The following CHD1 variants were observed in gnomAD, a reference collection of about 807,000 sequenced individuals.
CHD1 encodes the protein chromodomain helicase DNA binding protein 1.
In CHD1, 36 loss-of-function variants were observed where a neutral mutation model predicts 224.2. The ratio of observed to expected loss-of-function variants is 0.16; its 90% confidence interval spans 0.12 to 0.21. The LOEUF (loss-of-function observed/expected upper bound fraction) is 0.21. CHD1 is among the 10% of genes least tolerant of loss of function. The pLI is 1.00. For synonymous variants in CHD1, 668 were observed against 658.3 expected (o/e 1.01, Z -0.23); for missense variants, 1,378 against 1,994.8 (o/e 0.69, Z 5.89).
At chr5:98,867,057 T>C (rs1748928531) in intron 31 of CHD1, among the ~76,000 whole-genome samples, 1 of 152,180 alleles carries the variant, frequency 6.6e-6, no homozygotes, top group Non-Finnish European at 1.5e-5. Context: ...ACTTACCAAA[T>C]AGCATTCTGC....
intron 2 of CHD1, among the ~76,000 whole-genome samples, chr5:98,917,744 A>G (rs1317258206): frequency 6.6e-6 from 1 of 152,232 alleles, no homozygotes; most frequent in Non-Finnish European, 1.5e-5. Context: ...TTGTCTCTAC[A>G]TATTTTAATC....
chr5:98,868,326 AAAAAG>A (rs1749057922), intron 31 of CHD1, among the ~76,000 whole-genome samples, 164 bp downstream of exon 31: 1 of 150,374 alleles, frequency 6.7e-6, no homozygotes, highest in Non-Finnish European at 1.5e-5. Context: ...TGCTAACTCA[AAAAAG>A]AAAAAAAAAA....
rs200039317 is a variant in CHD1, at chr5:98,899,646, A to G, written c.919T>C (p.Phe307Leu). ...TCTCCTGGTTCTTTGTTTTTTTCAA[A>G]GCCTGCATTTGGGTCACCATCTGCT... is the stretch of plus-strand genomic sequence containing the variant. ...VEADGDPNAG[F>L]EKNKEPGEIQ... Residue 307 changes from phenylalanine to leucine, a missense_variant, in exon 8 of 36, where the codon TTT becomes CTT. By Grantham distance (22) the Phe-to-Leu change is conservative. Transcript: ENST00000614616. 1 of 1,613,848 alleles carries G rather than the reference A, an allele frequency of 6.2e-7. No homozygotes were observed. Among genetic ancestry groups the G allele is most frequent in the Admixed American group, 1.7e-5 (1 of 59,998 alleles).
chr5:98,889,865 C>A (rs1402847488), intron 15 of CHD1: 1 of 151,854 alleles, frequency 6.6e-6, no homozygotes, highest in African/African-American at 2.4e-5. Flanking sequence ...TACACAGCCA[C>A]AGAAAAAAAA....
In CHD1 at chr5:98,858,231, AAAG is replaced by A. The variant is rs772633798; in HGVS notation, c.4733_4735del (p.Ser1578del). 5.0e-6 allele frequency: 8 copies of A among 1,613,248 alleles called. No individual in the cohort carries two copies. Among genetic ancestry groups the A allele is most frequent in the South Asian group, 1.1e-5 (1 of 91,060 alleles). On this transcript the variant is annotated inframe_deletion, in exon 35 of 36. Coordinates refer to ENST00000614616, the MANE Select transcript of CHD1 (RefSeq NM_001270.4). ...ATCACGATGGTCTTTACCATTACTA[AAAG>A]AAGAATAGGGTCTTTTCCTGGAATC...
chr5:98,873,095 T>G (rs1749480443), intron 26 of CHD1, among the ~76,000 whole-genome samples: 2 of 152,200 alleles, frequency 1.3e-5, no homozygotes, highest in African/African-American at 4.8e-5. Flanking sequence ...CCAAAAGTGC[T>G]AGGATTACAG....
intron 20 of CHD1, 131 bp downstream of exon 20, chr5:98,881,844 T>C (rs1367470886): frequency 1.3e-6 from 1 of 750,082 alleles, no homozygotes; most frequent in Non-Finnish European, 2.1e-6. Flanking sequence ...TAGAAATTAG[T>C]CCAAAGTCTT....
In CHD1 at chr5:98,893,581, G is replaced by T. The variant is rs1358961137; in HGVS notation, c.1826C>A (p.Ala609Glu). 1 of 1,602,314 alleles carries T rather than the reference G, an allele frequency of 6.2e-7. No individual in the cohort carries two copies. The highest frequency in any genetic ancestry group is 8.5e-7 in the Non-Finnish European group (1 of 1,174,620). The change falls in exon 14 of 36, where the codon GCA becomes GAA. Residue 609 changes from alanine (A) to glutamate (E), a missense_variant. Coordinates refer to ENST00000614616, the MANE Select transcript of CHD1 (RefSeq NM_001270.4). ...GTGTGCTTCATCAACACCTATAAAT[G>T]CCCAATTTAGACCTCCAAGGAATGC... is the stretch of plus-strand genomic sequence containing the variant. ...DKAFLGGLNW[A>E]FIGVDEAHRL...
chr5:98,903,754 G>A (rs778782176), intron 4 of CHD1, 38 bp downstream of exon 4: 2 of 1,340,180 alleles, frequency 1.5e-6, no homozygotes, highest in South Asian at 1.2e-5. Context: ...TCAGCAGCAT[G>A]TCCACTTTTA....
At chr5:98,876,288 T>C (rs893240968) in intron 24 of CHD1, 110 bp downstream of exon 24, 9 of 1,081,304 alleles carry the variant, frequency 8.3e-6, no homozygotes, top group African/African-American at 7.9e-5. Flanking sequence ...AAATAACAGA[T>C]TTGCCTCTTC....
intron 15 of CHD1, among the ~76,000 whole-genome samples, chr5:98,892,179 A>G (rs1751063053): frequency 6.6e-6 from 1 of 152,154 alleles, no homozygotes; most frequent in Non-Finnish European, 1.5e-5. Flanking sequence ...ATTTTTTTCT[A>G]AGTTTCTTTT....
chr5:98,885,626 T>C lies in CHD1; in HGVS notation c.2520A>G (p.Gly840=), dbSNP rs1750598085. The C allele has an allele frequency of 6.2e-7, 1 of 1,600,104 alleles. No homozygotes were observed. Residue 840 remains glycine, a synonymous_variant, in exon 18 of 36, where the codon GGA becomes GGG. Transcript: ENST00000614616. ...GATCTAGAGCTTGTTTCCTCAGTTC[T>C]CCTTTTATTGATCCATCTAATCTCT... ...PFQRLDGSIK[G]ELRKQALDHF... is the part of the protein sequence containing the mutation.
rs969268314 is a variant in CHD1 at position 98,908,917 on chromosome 5, T to A, written c.54-3819A>T. Among the ~76,000 whole-genome samples the A allele has an allele frequency of 2.6e-5, 4 of 152,102 alleles. No individual in the cohort carries two copies. In the East Asian group the frequency reaches 7.7e-4, roughly 29 times the overall value. The stretch of plus-strand genomic sequence containing the variant: ...TTTCTTAGGGTAAATTAAGGAGAAA[T>A]ACCACATTTAAAAGATAAAATAGTA... On this transcript the variant is annotated intron_variant, in intron 2 of 35. Coordinates refer to ENST00000614616, the MANE Select transcript of CHD1 (RefSeq NM_001270.4).
rs143771388 is a variant in CHD1 at position 98,899,309 on chromosome 5, G to T, written c.1085+171C>A. On this transcript the variant is annotated intron_variant, in intron 8 of 35. Coordinates refer to ENST00000614616, the MANE Select transcript of CHD1 (RefSeq NM_001270.4). Reference sequence around the variant, plus strand: ...TTCCCTCCGAATACTTTCAATCCATGGTTGGTTGAAACCAAGGATAGAGAA... The same window carrying T: ...TTCCCTCCGAATACTTTCAATCCATTGTTGGTTGAAACCAAGGATAGAGAA... Among the ~76,000 whole-genome samples, 1,399 of 152,128 alleles carry T rather than the reference G, an allele frequency of 9.2e-3. 16 individuals carry two copies. The highest frequency in any genetic ancestry group is 0.026 in the South Asian group (124 of 4,820).
At position 98,899,502 on chromosome 5, in the gene CHD1, T is replaced by G. The variant is rs1481018228; in HGVS notation, c.1063A>C (p.Lys355Gln). Reference protein sequence around the residue: ...GMKKLDNYKKKDQETKRWLKN... With the variant: ...GMKKLDNYKKQDQETKRWLKN... Reference sequence around the variant, plus strand: ...TACCATCTTTTTGTTTCCTGATCTTTTTTCTTATAATTATCCAATTTTTTC... The same window carrying G: ...TACCATCTTTTTGTTTCCTGATCTTGTTTCTTATAATTATCCAATTTTTTC... The change falls in exon 8 of 36, where the codon AAA becomes CAA. Residue 355 changes from lysine to glutamine, a missense_variant. Lys to Gln is a moderately conservative substitution (Grantham distance 53). Coordinates refer to ENST00000614616, the MANE Select transcript of CHD1 (RefSeq NM_001270.4). 16 of 1,608,900 alleles carry G rather than the reference T, an allele frequency of 9.9e-6. No homozygotes were observed. The highest frequency in any genetic ancestry group is 1.4e-5 in the Non-Finnish European group (16 of 1,176,136).
intron 4 of CHD1, among the ~76,000 whole-genome samples, chr5:98,903,231 G>A (rs1381828477): frequency 6.6e-6 from 1 of 152,066 alleles, no homozygotes; most frequent in East Asian, 1.9e-4. Context: ...GACCATTATT[G>A]TTGCCTAGTA....
At position 98,885,646 on chromosome 5, in the gene CHD1, A is replaced by G. The variant is rs1378371056; in HGVS notation, c.2500T>C (p.Leu834=). Residue 834 remains leucine (L), a synonymous_variant, in exon 18 of 36, where the codon TTA becomes CTA. Transcript: ENST00000614616. ...LKYRQFPFQR[L]DGSIKGELRK... ...AGTTCTCCTTTTATTGATCCATCTA[A>G]TCTCTAGAAAAAAACACATTAAAAT... 1.3e-6 allele frequency: 2 copies of G among 1,567,358 alleles called. No individual in the cohort carries two copies. The highest frequency in any genetic ancestry group is 2.2e-5 in the East Asian group (1 of 44,528).
At chr5:98,896,940 C>A (rs1751381513) in intron 11 of CHD1, among the ~76,000 whole-genome samples, 1 of 151,930 alleles carries the variant, frequency 6.6e-6, no homozygotes, top group Non-Finnish European at 1.5e-5. Context: ...GGGATGAGAA[C>A]AGATATGCAT....
In CHD1 at chr5:98,868,375, A is replaced by T. The variant is rs573700255; in HGVS notation, c.4248+120T>A. ...AAGACACCCTTCAAATTTCAAATAC[A>T]TTGCTTTTATCAATCTACAATAAAT... On this transcript the variant is annotated intron_variant, in intron 31 of 35. Transcript: ENST00000614616. 8 of 795,660 alleles carry T rather than the reference A, an allele frequency of 1.0e-5. No individual in the cohort carries two copies. The African/African-American group carries it at 1.5e-4, about 15-fold the overall frequency. 49.3% of individuals were successfully genotyped at this position (795,660 alleles called of 1,614,324 possible).
Sources: allele counts gnomAD v4.1 joint callset (sites outside exome capture counted in the v4.1 genomes callset), GRCh38; gene constraint gnomAD v4.1.1; transcripts MANE v1.5; gene names NCBI Gene and HGNC (gene_info 2026-07-23, HGNC 2026-07-21).